The following RHBDF2 variants were observed in gnomAD, a reference collection of about 807,000 sequenced individuals.
RHBDF2 encodes inactive rhomboid protein 2.
A neutral mutation model predicts 95.2 loss-of-function variants in RHBDF2; 38 were observed. The ratio of observed to expected loss-of-function variants is 0.40; its 90% CI spans 0.31 to 0.52. RHBDF2 has a LOEUF of 0.52. Ranked by LOEUF, RHBDF2 falls within the 20% of genes least tolerant of loss-of-function variation. The pLI, the probability that RHBDF2 is intolerant of heterozygous loss-of-function variation, is 0.56. For synonymous variants in RHBDF2, 442 were observed against 462.0 expected (o/e 0.96, Z 0.55); for missense variants, 863 against 1,137.7 (o/e 0.76, Z 3.47).
intron 2 of RHBDF2, among the ~76,000 whole-genome samples, chr17:76,486,011 G>A (rs1326439034): frequency 1.3e-5 from 2 of 151,532 alleles, no homozygotes; most frequent in Non-Finnish European, 2.9e-5. Context: ...CTTTCTTTAG[G>A]GGGTGATGAA....
At chr17:76,486,891 T>C in intron 2 of RHBDF2, among the ~76,000 whole-genome samples, 1 of 151,464 alleles carries the variant, frequency 6.6e-6, no homozygotes, top group East Asian at 1.9e-4. Context: ...AGCCTCCTGG[T>C]TGCAGTTCAA....
chr17:76,498,660 A>G (rs2074490337), intron 1 of RHBDF2, among the ~76,000 whole-genome samples: 2 of 152,212 alleles, frequency 1.3e-5, no homozygotes, highest in Admixed American at 1.3e-4. Flanking sequence ...CTGAGGCCAC[A>G]GGAAAAACAG....
At chr17:76,500,443 A>T (rs1314802384) in intron 1 of RHBDF2, among the ~76,000 whole-genome samples, 1 of 152,150 alleles carries the variant, frequency 6.6e-6, no homozygotes, top group Admixed American at 6.5e-5. Context: ...AATAAGGCAG[A>T]TGCTGGTCTC....
chr17:76,494,954 C>T (rs931194623), intron 1 of RHBDF2, among the ~76,000 whole-genome samples: 28 of 152,064 alleles, frequency 1.8e-4, no homozygotes, highest in African/African-American at 5.8e-4. Flanking sequence ...CCCTCAGCAT[C>T]GTTGTGAAGG....
chr17:76,500,483 G>A (rs927287675), intron 1 of RHBDF2, among the ~76,000 whole-genome samples: 4 of 152,104 alleles, frequency 2.6e-5, no homozygotes, highest in Admixed American at 6.5e-5. Context: ...GCACACACTG[G>A]GGGCCTGATG....
intron 3 of RHBDF2, among the ~76,000 whole-genome samples, chr17:76,480,881 C>T (rs1225030190): frequency 6.6e-6 from 1 of 152,212 alleles, no homozygotes; most frequent in Non-Finnish European, 1.5e-5. Flanking sequence ...GCAGGAAGCC[C>T]ACGCTGCCAC....
intron 2 of RHBDF2, among the ~76,000 whole-genome samples, chr17:76,484,224 T>C (rs1415548534): frequency 1.3e-5 from 2 of 151,768 alleles, no homozygotes; most frequent in African/African-American, 4.8e-5. Context: ...GATTGCACCA[T>C]TGCACTCCAG....
chr17:76,486,115 C>CATAT (rs1555617929), intron 2 of RHBDF2, among the ~76,000 whole-genome samples: 1 of 143,616 alleles, frequency 7.0e-6, no homozygotes, highest in Admixed American at 6.9e-5. Flanking sequence ...CACACACACA[C>CATAT]ATATAGTTTT....
chr17:76,494,176 G>GC (rs1370303771), intron 1 of RHBDF2, among the ~76,000 whole-genome samples: 2 of 152,154 alleles, frequency 1.3e-5, no homozygotes, highest in Non-Finnish European at 2.9e-5. Flanking sequence ...AGCCCCTGAC[G>GC]CCCCCTCTGC....
At chr17:76,489,699 C>T (rs1236282140) in intron 1 of RHBDF2, among the ~76,000 whole-genome samples, 1 of 25,324 alleles carries the variant, frequency 3.9e-5, no homozygotes, top group South Asian at 0.015. Flanking sequence ...CCTCCCGGGG[C>T]CGGGCAGGAT....
At chr17:76,498,929 G>A (rs2074507603) in intron 1 of RHBDF2, among the ~76,000 whole-genome samples, 1 of 151,892 alleles carries the variant, frequency 6.6e-6, no homozygotes, top group Admixed American at 6.6e-5. Context: ...GAGTCACTGA[G>A]GGTTTGTTCG....
intron 1 of RHBDF2, among the ~76,000 whole-genome samples, chr17:76,497,285 G>A (rs929190897): frequency 2.6e-5 from 4 of 152,098 alleles, no homozygotes; most frequent in African/African-American, 9.7e-5. Context: ...CAGCTGAGGG[G>A]CACCAACTCC....
chr17:76,479,955 T>C, intron 3 of RHBDF2, 101 bp from the exon 4 acceptor site: 1 of 1,524,768 alleles, frequency 6.6e-7, no homozygotes, highest in Non-Finnish European at 8.8e-7. Flanking sequence ...AGAACAAACT[T>C]CAACCCTGAT....
chr17:76,497,936 G>A (rs1056853691), intron 1 of RHBDF2, among the ~76,000 whole-genome samples: 1 of 152,030 alleles, frequency 6.6e-6, no homozygotes, highest in African/African-American at 2.4e-5. Context: ...CCACTTGGCT[G>A]AAACCACTTT....
chr17:76,484,479 T>A (rs558785331), intron 2 of RHBDF2, among the ~76,000 whole-genome samples: 2 of 151,784 alleles, frequency 1.3e-5, no homozygotes, highest in Non-Finnish European at 2.9e-5. Flanking sequence ...GTCCTCCTCC[T>A]CCATCTCTAC....
chr17:76,478,469 C>T (rs753310258), intron 6 of RHBDF2, among the ~76,000 whole-genome samples: 5 of 152,222 alleles, frequency 3.3e-5, no homozygotes, highest in Admixed American at 2.0e-4. Context: ...TGGCTCTGCA[C>T]GCGGTGCCCA....
intron 2 of RHBDF2, among the ~76,000 whole-genome samples, chr17:76,482,302 T>C (rs927809888): frequency 6.6e-6 from 1 of 151,952 alleles, no homozygotes; most frequent in Non-Finnish European, 1.5e-5. Flanking sequence ...CTGGTCCCTG[T>C]CCCCCAAGGC....
chr17:76,497,895 A>G (rs1295297180), intron 1 of RHBDF2, among the ~76,000 whole-genome samples: 1 of 151,818 alleles, frequency 6.6e-6, no homozygotes, highest in Non-Finnish European at 1.5e-5. Flanking sequence ...TCACACTCCA[A>G]ACAGTGTCTC....
chr17:76,481,253 C>A (rs770263257), intron 3 of RHBDF2, 122 bp downstream of exon 3: 16 of 1,169,508 alleles, frequency 1.4e-5, no homozygotes, highest in Non-Finnish European at 1.9e-5. Context: ...TCAAGGGCTG[C>A]ACAGACAGCA....
Sources: gnomAD v4.1 joint callset for allele counts (sites outside exome capture counted in the v4.1 genomes callset) on GRCh38, gnomAD v4.1.1 for gene constraint, MANE v1.5 for transcripts, NCBI Gene and HGNC (gene_info 2026-07-23, HGNC 2026-07-21) for gene names.